GPSM2: variants seen among roughly 807,000 people sequenced by gnomAD.
The protein encoded by GPSM2 is G protein signaling modulator 2, also known as G protein-signaling modulator 2.
A neutral mutation model predicts 78.4 loss-of-function variants in GPSM2; 58 were observed. That is an observed-to-expected ratio of 0.74 (90% CI 0.60 to 0.92). GPSM2 has a LOEUF of 0.92. Among genes scored for constraint, GPSM2 ranks in the 40% least tolerant of loss-of-function variants. The pLI is 0.00. For missense variants in GPSM2, 700 were observed against 815.5 expected (o/e 0.86, Z 1.73); for synonymous variants, 224 against 280.2 (o/e 0.80, Z 2.00).
At chr1:108,888,492 T>C (rs10776765) in intron 2 of GPSM2, among the ~76,000 whole-genome samples, 150,762 of 152,294 alleles carry the variant, frequency 0.99, 74,639 homozygotes, top group Middle Eastern at 1. Flanking sequence ...GGACTACAGC[T>C]ATGCCTGGCT....
At chr1:108,896,171 C>A (rs1259988521) in intron 2 of GPSM2, among the ~76,000 whole-genome samples, 1 of 152,132 alleles carries the variant, frequency 6.6e-6, no homozygotes, top group Non-Finnish European at 1.5e-5. Context: ...CTTAATCCTT[C>A]TTTTTCAATT....
intron 7 of GPSM2, among the ~76,000 whole-genome samples, chr1:108,900,283 A>G (rs1347789845): frequency 7.1e-6 from 1 of 141,832 alleles, no homozygotes; most frequent in East Asian, 2.1e-4. Context: ...CTTGTCGCCC[A>G]GGCTGGAGTG....
intron 8 of GPSM2, 27 bp downstream of exon 8, chr1:108,901,972 C>T: frequency 1.3e-6 from 2 of 1,515,036 alleles, no homozygotes; most frequent in South Asian, 1.1e-5. Context: ...TTTACCATAA[C>T]TAAGGTAAAA....
At chr1:108,902,982 AT>A in intron 8 of GPSM2, 143 bp from the exon 9 acceptor site, 1 of 641,214 alleles carries the variant, frequency 1.6e-6, no homozygotes, top group South Asian at 1.7e-5. Context: ...TATGTCTATA[AT>A]ATCATGATAG....
intron 12 of GPSM2, among the ~76,000 whole-genome samples, chr1:108,921,939 G>T (rs1159641244): frequency 1.3e-5 from 2 of 152,066 alleles, no homozygotes; most frequent in African/African-American, 4.8e-5. Context: ...TATAAATATA[G>T]TTCTTGCTCT....
chr1:108,922,288 T>C, intron 12 of GPSM2, 129 bp from the exon 13 acceptor site: 1 of 697,676 alleles, frequency 1.4e-6, no homozygotes, highest in South Asian at 1.7e-5. Context: ...TCTTGTATTC[T>C]TTTTCAAAAT....
intron 13 of GPSM2, among the ~76,000 whole-genome samples, chr1:108,922,790 A>G (rs1266578607): frequency 1.3e-5 from 2 of 152,036 alleles, no homozygotes; most frequent in Admixed American, 6.6e-5. Flanking sequence ...TCTACTAACT[A>G]TATTATACTA....
intron 2 of GPSM2, among the ~76,000 whole-genome samples, chr1:108,894,020 G>C (rs960183323): frequency 1.3e-5 from 2 of 151,782 alleles, no homozygotes; most frequent in Admixed American, 6.6e-5. Flanking sequence ...CTCCAGCCTG[G>C]GTGACAGAGT....
At chr1:108,904,461 T>G (rs573194857) in intron 10 of GPSM2, among the ~76,000 whole-genome samples, 64 of 148,504 alleles carry the variant, frequency 4.3e-4, no homozygotes, top group Non-Finnish European at 7.1e-4. Context: ...TAATATATAA[T>G]TTATAAGTGT....
chr1:108,918,869 G>A, intron 12 of GPSM2, 80 bp downstream of exon 12: 1 of 878,426 alleles, frequency 1.1e-6, no homozygotes, highest in Non-Finnish European at 1.9e-6. Flanking sequence ...TGAATTTTTA[G>A]TAATTTAAAT....
rs12046219 is a variant in GPSM2 at position 108,886,485 on chromosome 1, G to A, written c.56+907G>A. Among the ~76,000 whole-genome samples the A allele has an allele frequency of 4.0e-3, 581 of 146,052 alleles. 10 individuals carry two copies. The highest frequency in any genetic ancestry group is 0.037 in the South Asian group (169 of 4,510). On this transcript the variant is annotated intron_variant, in intron 2 of 14. Transcript: ENST00000264126. ...ACATGCATTCTCTCACAAGCTTCAC[G>A]GTCCCTAGGGAAATGGCCTGGCTCC...
intron 12 of GPSM2, among the ~76,000 whole-genome samples, chr1:108,919,892 G>T (rs1212745753): frequency 6.6e-6 from 1 of 152,216 alleles, no homozygotes; most frequent in African/African-American, 2.4e-5. Context: ...TCTGCCGGGT[G>T]CAGTGGCTCA....
chr1:108,917,338 CG>C (rs1553215304), intron 11 of GPSM2, among the ~76,000 whole-genome samples: 1 of 151,540 alleles, frequency 6.6e-6, no homozygotes, highest in Non-Finnish European at 1.5e-5. Flanking sequence ...GAGGCCGAGG[CG>C]GGTGGATCAC....
intron 10 of GPSM2, among the ~76,000 whole-genome samples, chr1:108,907,413 G>A (rs369132585): frequency 1.3e-5 from 2 of 151,992 alleles, no homozygotes; most frequent in South Asian, 4.1e-4. Context: ...AGTTTCTGGG[G>A]GAAAGGCATC....
At chr1:108,923,947 G>GT in intron 13 of GPSM2, 53 bp from the exon 14 acceptor site, 1 of 1,098,592 alleles carries the variant, frequency 9.1e-7, no homozygotes, top group Non-Finnish European at 1.3e-6. Context: ...AGGTTTTTTT[G>GT]TTTTTTGTTT....
intron 11 of GPSM2, among the ~76,000 whole-genome samples, chr1:108,917,948 ATG>A (rs942324253): frequency 2.2e-4 from 33 of 152,018 alleles, no homozygotes; most frequent in African/African-American, 4.8e-4. Flanking sequence ...CTACGAAAAA[ATG>A]TGTGTCACTA....
At chr1:108,907,723 G>T (rs1427889434) in intron 10 of GPSM2, among the ~76,000 whole-genome samples, 4 of 152,154 alleles carry the variant, frequency 2.6e-5, no homozygotes, top group Non-Finnish European at 2.9e-5. Context: ...TCATTTAATT[G>T]TAACAATTCT....
intron 1 of GPSM2, among the ~76,000 whole-genome samples, chr1:108,881,178 G>T (rs1205532075): frequency 6.6e-6 from 1 of 152,168 alleles, no homozygotes; most frequent in Non-Finnish European, 1.5e-5. Flanking sequence ...TGGAAAAAAT[G>T]ATTGCCTTTT....
chr1:108,924,928 G>T (rs931473296), intron 14 of GPSM2, among the ~76,000 whole-genome samples: 3 of 152,176 alleles, frequency 2.0e-5, no homozygotes, highest in South Asian at 2.1e-4. Context: ...AGTGGCAAGG[G>T]TGTTAGTATG....
Sources: gnomAD v4.1 joint callset for allele counts (sites outside exome capture counted in the v4.1 genomes callset) on GRCh38, gnomAD v4.1.1 for gene constraint, MANE v1.5 for transcripts, NCBI Gene and HGNC (gene_info 2026-07-23, HGNC 2026-07-21) for gene names.